Variants in GNB1 observed in about 807,000 individuals in gnomAD.
GNB1 encodes the protein guanine nucleotide-binding protein G(I)/G(S)/G(T) subunit beta-1.
In GNB1, 2 loss-of-function variants were observed where a neutral mutation model predicts 42.9. The observed-to-expected ratio is 0.05, with a 90% confidence interval of 0.02 to 0.15. The LOEUF (loss-of-function observed/expected upper bound fraction) is 0.15. Ranked by LOEUF, GNB1 falls within the 10% of genes least tolerant of loss-of-function variation. GNB1 has a pLI of 1.00. For synonymous variants in GNB1, 183 were observed against 174.7 expected (o/e 1.05, Z -0.38); for missense variants, 193 against 462.2 (o/e 0.42, Z 5.34).
intron 5 of GNB1, among the ~76,000 whole-genome samples, chr1:1,814,740 T>C (rs1646827023): frequency 7.1e-6 from 1 of 140,110 alleles, no homozygotes; most frequent in Admixed American, 7.7e-5. Flanking sequence ...ACGTCGAGGC[T>C]GCAGTGAGAT....
rs1646396424 is a variant in GNB1, at chr1:1,785,727, A to C, written c.*1336T>G. ...CCCTGAAGAATCCATATAGGAGGGC[A>C]GGCTCTTCACTCCCTCTCCCTCCCT... On this transcript the variant is annotated 3_prime_UTR_variant, in exon 12 of 12. Coordinates refer to ENST00000378609, the MANE Select transcript of GNB1 (RefSeq NM_002074.5). 1 of 346,126 alleles carries C rather than the reference A, an allele frequency of 2.9e-6. No individual in the cohort carries two copies. Among genetic ancestry groups the C allele is most frequent in the South Asian group, 1.5e-4 (1 of 6,560 alleles). 21.4% of individuals were successfully genotyped at this position (346,126 alleles called of 1,614,324 possible).
At chr1:1,846,792 T>G (rs926812894) in intron 1 of GNB1, among the ~76,000 whole-genome samples, 3 of 152,162 alleles carry the variant, frequency 2.0e-5, no homozygotes, top group Non-Finnish European at 4.4e-5. Context: ...ACTCCTGGTC[T>G]CAAGCAATCC....
intron 1 of GNB1, among the ~76,000 whole-genome samples, chr1:1,868,508 C>A (rs1260639226): frequency 6.6e-6 from 1 of 152,168 alleles, no homozygotes; most frequent in African/African-American, 2.4e-5. Flanking sequence ...GTTAGCCGGG[C>A]ACAGTTGCTC....
intron 2 of GNB1, among the ~76,000 whole-genome samples, chr1:1,833,435 A>G (rs1483426211): frequency 6.6e-6 from 1 of 152,108 alleles, no homozygotes; most frequent in Non-Finnish European, 1.5e-5. Context: ...TCCTAACAAT[A>G]CTGTGAGGAA....
intron 1 of GNB1, among the ~76,000 whole-genome samples, chr1:1,874,465 G>A (rs370702650): frequency 6.6e-6 from 1 of 151,864 alleles, no homozygotes; most frequent in African/African-American, 2.4e-5. Flanking sequence ...GAGAAAGCCG[G>A]GCGTGGCGGT....
chr1:1,884,867 C>T (rs1650059761), intron 1 of GNB1, among the ~76,000 whole-genome samples: 1 of 151,164 alleles, frequency 6.6e-6, no homozygotes, highest in Admixed American at 6.6e-5. Flanking sequence ...GTATTTTTAG[C>T]AGAGACAGGG....
intron 1 of GNB1, among the ~76,000 whole-genome samples, chr1:1,860,266 G>A (rs1484614451): frequency 6.6e-6 from 1 of 152,036 alleles, no homozygotes; most frequent in East Asian, 1.9e-4. Context: ...AATAGACAAT[G>A]GGGACTATTA....
Position 1,874,237 on chromosome 1 carries a change from G to A in GNB1, c.-96+16583C>T, listed in dbSNP as rs907454995. 3.9e-5 allele frequency among the ~76,000 whole-genome samples: 6 copies of A among 152,164 alleles called. No individual in the cohort carries two copies. In the East Asian group the frequency reaches 5.8e-4, roughly 15 times the overall value. ...TGTAATCCCAGCACTCTAGGAGGCC[G>A]AGGCAGGCAGATCACGAGGCCAGGA... On this transcript the variant is annotated intron_variant, in intron 1 of 11. Transcript: ENST00000378609.
intron 1 of GNB1, among the ~76,000 whole-genome samples, chr1:1,842,983 G>GGT (rs745992067): frequency 8.5e-5 from 13 of 152,058 alleles, no homozygotes; most frequent in Admixed American, 2.6e-4. Context: ...TTTAGGCAGG[G>GGT]GTGTGTGTGT....
Position 1,870,431 on chromosome 1 carries a change from C to T in GNB1, c.-96+20389G>A, listed in dbSNP as rs376621978. On this transcript the variant is annotated intron_variant, in intron 1 of 11. Transcript: ENST00000378609. ...CCTCAAGGGATCCTCGCAACTCAGC[C>T]TCCCCAAATCCAGAGATTACAGGGA... is the stretch of plus-strand genomic sequence containing the variant. 8.5e-5 allele frequency among the ~76,000 whole-genome samples: 13 copies of T among 152,256 alleles called. No homozygotes were observed. The East Asian group carries it at 2.3e-3, about 27-fold the overall frequency.
intron 4 of GNB1, among the ~76,000 whole-genome samples, chr1:1,817,357 T>C (rs1646871881): frequency 2.6e-5 from 4 of 152,204 alleles, no homozygotes; most frequent in Admixed American, 2.6e-4. Context: ...ATGCACATTT[T>C]GGTTGTTTCT....
At chr1:1,817,947 G>C in intron 3 of GNB1, 72 bp from the exon 4 acceptor site, 2 of 1,162,060 alleles carry the variant, frequency 1.7e-6, no homozygotes, top group Non-Finnish European at 2.6e-6. Context: ...ACATACCAAA[G>C]TTTCAAAGAG....
chr1:1,867,134 G>A (rs1648987571), intron 1 of GNB1, among the ~76,000 whole-genome samples: 1 of 152,112 alleles, frequency 6.6e-6, no homozygotes, highest in Non-Finnish European at 1.5e-5. Context: ...AAGCATGGTG[G>A]TAGGCGCCTA....
intron 7 of GNB1, among the ~76,000 whole-genome samples, chr1:1,798,362 G>T (rs1223335376): frequency 2.0e-5 from 3 of 152,198 alleles, no homozygotes; most frequent in Non-Finnish European, 4.4e-5. Context: ...AGCTTGTGAG[G>T]CCTGTCAGAA....
chr1:1,882,122 C>T (rs1649880868), intron 1 of GNB1, among the ~76,000 whole-genome samples: 1 of 152,186 alleles, frequency 6.6e-6, no homozygotes, highest in Admixed American at 6.6e-5. Context: ...CACATGCATT[C>T]TACTATGGCT....
rs897381042 is a variant in GNB1 at position 1,811,379 on chromosome 1, C to T, written c.203+4377G>A. Among the ~76,000 whole-genome samples the T allele has an allele frequency of 2.0e-5, 3 of 152,074 alleles. No homozygotes were observed. In the East Asian group the frequency reaches 5.8e-4, roughly 29 times the overall value. On this transcript the variant is annotated intron_variant, in intron 5 of 11. Coordinates refer to ENST00000378609, the MANE Select transcript of GNB1 (RefSeq NM_002074.5). ...CTGGGGTTACAGGTGTGAGCCACCG[C>T]GTCTAGCCTCATGTAGTTTTGAAAG...
At chr1:1,843,991 C>A (rs1557921454) in intron 1 of GNB1, among the ~76,000 whole-genome samples, 2 of 151,930 alleles carry the variant, frequency 1.3e-5, no homozygotes, top group South Asian at 2.1e-4. Context: ...GTCAGGAGAT[C>A]GAGACCATCC....
At chr1:1,851,007 C>T (rs1334555037) in intron 1 of GNB1, among the ~76,000 whole-genome samples, 4 of 151,934 alleles carry the variant, frequency 2.6e-5, no homozygotes, top group Non-Finnish European at 4.4e-5. Flanking sequence ...CGGTGGCTTA[C>T]GCCTGTAATC....
In GNB1 at chr1:1,789,010, C is replaced by A. The variant is rs199933933; in HGVS notation, c.916+43G>T. ...CTCTGTGTTTGCTCTAAAGATACCA[C>A]GTAAATGTCCACAAGACACAGAAAG... On this transcript the variant is annotated intron_variant, in intron 10 of 11. Transcript: ENST00000378609. 4 of 1,364,662 alleles carry A rather than the reference C, an allele frequency of 2.9e-6. No homozygotes were observed. The East Asian group carries it at 9.2e-5, about 31-fold the overall frequency. 84.5% of individuals were successfully genotyped at this position (1,364,662 alleles called of 1,614,324 possible). A position where few individuals can be genotyped will look rare whatever the true frequency, so the allele number is the denominator to read the frequency against.
Sources: allele counts gnomAD v4.1 joint callset (sites outside exome capture counted in the v4.1 genomes callset), GRCh38; gene constraint gnomAD v4.1.1; transcripts MANE v1.5; gene names NCBI Gene and HGNC (gene_info 2026-07-23, HGNC 2026-07-21).